The following SARS2 variants were observed in gnomAD, a reference collection of about 807,000 sequenced individuals.
SARS2 encodes the protein serine--tRNA ligase, mitochondrial.
In SARS2, 52 loss-of-function variants were observed where a neutral mutation model predicts 66.8. The observed-to-expected ratio is 0.78, with a 90% confidence interval of 0.62 to 0.98. SARS2 has a LOEUF of 0.98. Among genes scored for constraint, SARS2 ranks in the 50% least tolerant of loss-of-function variants. The pLI, the probability that SARS2 is intolerant of heterozygous loss-of-function variation, is 0.00. For synonymous variants in SARS2, 306 were observed against 281.4 expected, an observed-to-expected ratio of 1.09 and a Z score of -0.87; for missense variants, 673 against 706.3, an observed-to-expected ratio of 0.95 and a Z score of 0.53.
intron 3 of SARS2, chr19:38,922,004 A>G: frequency 6.4e-7 from 1 of 1,552,120 alleles, no homozygotes; most frequent in Non-Finnish European, 8.7e-7. Context: ...CTACTTACAC[A>G]AGGAGAGAAA....
rs758944034 is a variant in SARS2, at chr19:38,915,909, G to A, written c.1348-3C>T. ...ACAGCACAGGCGGTGGCGTTCACCT[G>A]TGAGACAGCCATGCTCGGAACTGGC... On this transcript the variant is annotated splice_polypyrimidine_tract_variant and splice_region_variant and intron_variant, in intron 14 of 15. Transcript: ENST00000221431. 4 of 1,613,804 alleles carry A rather than the reference G, an allele frequency of 2.5e-6. No individual in the cohort carries two copies. Among genetic ancestry groups the A allele is most frequent in the Non-Finnish European group, 3.4e-6 (4 of 1,179,988 alleles).
In SARS2 at chr19:38,921,018, T is replaced by TACAGACAC. The variant is rs1293253258; in HGVS notation, c.589+373_589+374insGTGTCTGT. 1.7e-3 allele frequency among the ~76,000 whole-genome samples: 47 copies of TACAGACAC among 27,488 alleles called. 1 individual carries two copies. Among genetic ancestry groups the TACAGACAC allele is most frequent in the African/African-American group, 3.4e-3 (46 of 13,708 alleles). The allele number at this position is 27,488 out of a possible 152,430, so 18.0% of individuals were successfully genotyped here. A position where few individuals can be genotyped will look rare whatever the true frequency, so the allele number is the denominator to read the frequency against. ...ACACACAGATACAGACACACACAGA[T>TACAGACAC]ACACAGATACAGACACACACAGATA... On this transcript the variant is annotated intron_variant, in intron 5 of 15. Transcript: ENST00000221431.
rs1974407742 is a variant in SARS2 at position 38,916,021 on chromosome 19, G to A, written c.1347+16C>T. 1 of 1,613,046 alleles carries A rather than the reference G, an allele frequency of 6.2e-7. No homozygotes were observed. The highest frequency in any genetic ancestry group is 1.7e-5 in the Admixed American group (1 of 59,998). ...GCGGGCGAGGGCACGCGGGCAGGAG[G>A]CTGTGCGGGCCTCACCGTGTGGGCA... On this transcript the variant is annotated intron_variant, in intron 14 of 15. Coordinates refer to ENST00000221431, the MANE Select transcript of SARS2 (RefSeq NM_017827.4).
At chr19:38,921,706 C>G (rs1230325295) in intron 3 of SARS2, 39 bp from the exon 4 acceptor site, 5 of 1,611,860 alleles carry the variant, frequency 3.1e-6, no homozygotes, top group Non-Finnish European at 2.5e-6. Flanking sequence ...GGGAGAGGGT[C>G]AGGACTCCCT....
intron 2 of SARS2, among the ~76,000 whole-genome samples, chr19:38,923,347 T>A (rs12972016): frequency 0.72 from 99,661 of 138,318 alleles, 36,864 homozygotes; most frequent in East Asian, 0.96. Flanking sequence ...TCAGCCTCCC[T>A]AGTAGCTGGG....
intron 2 of SARS2, among the ~76,000 whole-genome samples, chr19:38,922,959 A>G (rs1266918974): frequency 2.0e-5 from 3 of 149,410 alleles, no homozygotes; most frequent in South Asian, 2.1e-4. Context: ...GCTGGAGTGC[A>G]ATGGCGCGAT....
At chr19:38,922,318 G>A (rs946072882) in intron 2 of SARS2, 51 bp from the exon 3 acceptor site, 1 of 1,590,230 alleles carries the variant, frequency 6.3e-7, no homozygotes, top group Non-Finnish European at 8.6e-7. Context: ...GTCGAGGGTG[G>A]GGAAGAGAAA....
intron 5 of SARS2, among the ~76,000 whole-genome samples, chr19:38,921,080 C>CAGATACAT (rs1974524778): frequency 6.6e-6 from 1 of 151,734 alleles, no homozygotes; most frequent in Non-Finnish European, 1.5e-5. Context: ...TACAGACACA[C>CAGATACAT]AGATACAGAC....
chr19:38,921,105 G>A (rs1974525877), intron 5 of SARS2, among the ~76,000 whole-genome samples: 1 of 151,718 alleles, frequency 6.6e-6, no homozygotes, highest in South Asian at 2.1e-4. Context: ...ATGACACACA[G>A]TCACACAACA....
chr19:38,924,702 G>C (rs2144777395), intron 2 of SARS2, among the ~76,000 whole-genome samples: 1 of 152,240 alleles, frequency 6.6e-6, no homozygotes, highest in Non-Finnish European at 1.5e-5. Context: ...GCAGTGTGAT[G>C]GTGCGATCAT....
At chr19:38,919,661 G>A in intron 7 of SARS2, 101 bp downstream of exon 7, 2 of 888,322 alleles carry the variant, frequency 2.3e-6, no homozygotes, top group South Asian at 2.7e-5. Context: ...TCTGAGAGCA[G>A]TGACTAGGGC....
chr19:38,915,752 G>A lies in SARS2; in HGVS notation c.1414-3C>T, dbSNP rs758701224. ...GGGGGCACGAGCACTGAGCCGTCCT[G>A]GGGACAGAGCAGACCTCAGGACACT... On this transcript the variant is annotated splice_polypyrimidine_tract_variant and splice_region_variant and intron_variant, in intron 15 of 15. Transcript: ENST00000221431. 1.2e-6 allele frequency: 2 copies of A among 1,613,318 alleles called. No homozygotes were observed. The highest frequency in any genetic ancestry group is 1.7e-6 in the Non-Finnish European group (2 of 1,179,986).
Position 38,921,683 on chromosome 19 carries a change from G to C in SARS2, c.394-16C>G, listed in dbSNP as rs1053160641. 2 of 1,613,884 alleles carry C rather than the reference G, an allele frequency of 1.2e-6. No individual in the cohort carries two copies. The highest frequency in any genetic ancestry group is 1.7e-6 in the Non-Finnish European group (2 of 1,179,922). On this transcript the variant is annotated splice_polypyrimidine_tract_variant and intron_variant, in intron 3 of 15. Transcript: ENST00000221431. Reference sequence around the variant, plus strand: ...ACTTGGGGTCCTGGGGGCAGCACAGGTGGGCTCAGCCCGGGAGAGGGTCAG... The same window carrying C: ...ACTTGGGGTCCTGGGGGCAGCACAGCTGGGCTCAGCCCGGGAGAGGGTCAG...
At chr19:38,928,090 A>G (rs745591765) in intron 1 of SARS2, among the ~76,000 whole-genome samples, 1 of 149,942 alleles carries the variant, frequency 6.7e-6, no homozygotes, top group Non-Finnish European at 1.5e-5. Flanking sequence ...TTGAAAATGA[A>G]GAGAATAGCC....
intron 1 of SARS2, 100 bp downstream of exon 1, chr19:38,930,370 T>C: frequency 7.0e-7 from 1 of 1,438,100 alleles, no homozygotes. Context: ...ATAACTAAAA[T>C]TCCTACTACA....
rs187550802 is a variant in SARS2 at position 38,924,682 on chromosome 19, C to T, written c.363+1523G>A. On this transcript the variant is annotated intron_variant, in intron 2 of 15. Transcript: ENST00000221431. ...TCTCGGAGACAGGGTCTCACTCTGT[C>T]GCCCAGGCTGCAGTGTGATGGTGCG... is the stretch of plus-strand genomic sequence containing the variant. Among the ~76,000 whole-genome samples the T allele has an allele frequency of 1.1e-4, 17 of 152,164 alleles. No homozygotes were observed. In the East Asian group the frequency reaches 1.9e-3, roughly 17 times the overall value.
intron 13 of SARS2, 37 bp from the exon 14 acceptor site, chr19:38,916,166 A>T: frequency 6.2e-7 from 1 of 1,613,024 alleles, no homozygotes; most frequent in Non-Finnish European, 8.5e-7. Context: ...CGGATCAGGG[A>T]TGGGGGGCAG....
At chr19:38,918,035 C>G in intron 10 of SARS2, 27 bp from the exon 11 acceptor site, 1 of 1,600,668 alleles carries the variant, frequency 6.2e-7, no homozygotes, top group Non-Finnish European at 8.5e-7. Flanking sequence ...AAAGTCGGGT[C>G]AAGGAGGGAA....
Position 38,919,767 on chromosome 19 carries a change from G to T in SARS2, c.754C>A (p.Arg252Ser). Residue 252 changes from arginine to serine, a missense_variant, in exon 7 of 16, where the codon CGC becomes AGC. Transcript: ENST00000221431. ...LVNFTFNKLLRRGFTPMTVPD... is the reference protein window; with the variant it reads ...LVNFTFNKLLSRGFTPMTVPD... ...CCTCCTATCTTGGCCCATACCCGGC[G>T]GAGAAGCTTGTTGAATGTGAAGTTG... The T allele has an allele frequency of 1.2e-6, 2 of 1,613,888 alleles. No individual in the cohort carries two copies. Among genetic ancestry groups the T allele is most frequent in the Non-Finnish European group, 1.7e-6 (2 of 1,179,774 alleles).
Sources: gnomAD v4.1 joint callset for allele counts (sites outside exome capture counted in the v4.1 genomes callset) on GRCh38, gnomAD v4.1.1 for gene constraint, MANE v1.5 for transcripts, NCBI Gene and HGNC (gene_info 2026-07-23, HGNC 2026-07-21) for gene names.